DOCK1: variants seen among roughly 807,000 people sequenced by gnomAD.
DOCK1 encodes the protein dedicator of cytokinesis 1, also known as dedicator of cytokinesis protein 1.
Under a neutral mutation model 262.7 loss-of-function variants are expected in DOCK1, and 138 were observed. The ratio of observed to expected loss-of-function variants is 0.53; its 90% CI spans 0.46 to 0.61. The LOEUF (loss-of-function observed/expected upper bound fraction) is 0.61. Among genes scored for constraint, DOCK1 ranks in the 20% least tolerant of loss-of-function variants. DOCK1 has a pLI of 0.00. For missense variants in DOCK1, 1,908 were observed against 2,370.7 expected (o/e 0.80, Z 4.05); for synonymous variants, 866 against 867.4 (o/e 1.00, Z 0.03).
intron 27 of DOCK1, among the ~76,000 whole-genome samples, chr10:127,226,616 T>C (rs931564196): frequency 1.3e-5 from 2 of 152,054 alleles, no homozygotes; most frequent in Non-Finnish European, 2.9e-5. Flanking sequence ...TGGTGGTGCG[T>C]GCCTGTAATC....
At chr10:126,961,233 A>G (rs991311266) in intron 1 of DOCK1, among the ~76,000 whole-genome samples, 1 of 152,140 alleles carries the variant, frequency 6.6e-6, no homozygotes, top group Admixed American at 6.5e-5. Flanking sequence ...TTCTGTTCCT[A>G]AGAAAGATAT....
chr10:127,067,881 G>A (rs1311191161), intron 23 of DOCK1, among the ~76,000 whole-genome samples: 2 of 151,974 alleles, frequency 1.3e-5, no homozygotes, highest in Non-Finnish European at 2.9e-5. Context: ...TTCCTGACCA[G>A]CATGCGGATT....
At chr10:127,336,823 G>A (rs2063222710) in intron 29 of DOCK1, among the ~76,000 whole-genome samples, 1 of 152,180 alleles carries the variant, frequency 6.6e-6, no homozygotes, top group Admixed American at 6.5e-5. Flanking sequence ...ACAGGCGTGA[G>A]CCACCGCGCC....
chr10:127,439,990 C>A (rs757459757), intron 49 of DOCK1, among the ~76,000 whole-genome samples: 3 of 152,140 alleles, frequency 2.0e-5, no homozygotes, highest in Non-Finnish European at 2.9e-5. Flanking sequence ...AAAGGAATAA[C>A]TGAGCCTGCG....
intron 27 of DOCK1, among the ~76,000 whole-genome samples, chr10:127,245,175 C>A (rs984770249): frequency 1.3e-5 from 2 of 152,176 alleles, no homozygotes; most frequent in Non-Finnish European, 2.9e-5. Context: ...AAGGATGGGA[C>A]TCCATTCCCA....
intron 1 of DOCK1, among the ~76,000 whole-genome samples, chr10:126,924,344 T>G (rs2033500035): frequency 9.4e-6 from 1 of 106,062 alleles, no homozygotes; most frequent in South Asian, 3.6e-4. Context: ...AGGCTGTGAG[T>G]GCTGGAACTC....
chr10:127,059,842 T>A (rs1463446403), intron 22 of DOCK1, among the ~76,000 whole-genome samples: 1 of 152,146 alleles, frequency 6.6e-6, no homozygotes, highest in Non-Finnish European at 1.5e-5. Context: ...TTCTGCTGAG[T>A]TTAATAATTT....
chr10:127,388,376 T>TTATCC (rs2066259540), intron 38 of DOCK1, among the ~76,000 whole-genome samples: 1 of 152,184 alleles, frequency 6.6e-6, no homozygotes, highest in African/African-American at 2.4e-5. Flanking sequence ...CAAAGCCTCC[T>TTATCC]TATCCCTCTA....
intron 38 of DOCK1, among the ~76,000 whole-genome samples, chr10:127,388,049 A>G (rs2066238592): frequency 6.6e-6 from 1 of 152,180 alleles, no homozygotes; most frequent in Admixed American, 6.5e-5. Flanking sequence ...CCAGCAGTGC[A>G]CACATGGCCC....
At chr10:127,036,003 AAAAT>A (rs3070212) in intron 18 of DOCK1, among the ~76,000 whole-genome samples, 1,644 of 139,082 alleles carry the variant, frequency 0.012, 22 homozygotes, top group African/African-American at 0.032. Flanking sequence ...CCCTGTCTCA[AAAAT>A]AAATAAATAA....
In DOCK1 at chr10:127,399,080, C is replaced by T. The variant is rs759677338; in HGVS notation, c.3928-3975C>T. 3.3e-5 allele frequency among the ~76,000 whole-genome samples: 5 copies of T among 152,148 alleles called. No individual in the cohort carries two copies. The South Asian group carries it at 1.0e-3, about 32-fold the overall frequency. On this transcript the variant is annotated intron_variant, in intron 38 of 51. Coordinates refer to ENST00000623213, the MANE Select transcript of DOCK1 (RefSeq NM_001290223.2). Reference sequence around the variant, plus strand: ...ATTATCATCTCAAGAGAACACGTCTCGTATCATCTGGGGGAAAGCAGGGTG... The same window carrying T: ...ATTATCATCTCAAGAGAACACGTCTTGTATCATCTGGGGGAAAGCAGGGTG...
intron 27 of DOCK1, among the ~76,000 whole-genome samples, chr10:127,141,691 A>C (rs1260935495): frequency 6.6e-6 from 1 of 151,768 alleles, no homozygotes; most frequent in Non-Finnish European, 1.5e-5. Flanking sequence ...AAAAAAAAAA[A>C]GCAAATTCTA....
At chr10:127,153,669 T>C (rs2133515346) in intron 27 of DOCK1, among the ~76,000 whole-genome samples, 1 of 152,278 alleles carries the variant, frequency 6.6e-6, no homozygotes, top group South Asian at 2.1e-4. Flanking sequence ...CTCTCCTACA[T>C]CCCACGGTTC....
At chr10:127,006,539 C>T (rs2041037415) in intron 10 of DOCK1, among the ~76,000 whole-genome samples, 1 of 152,184 alleles carries the variant, frequency 6.6e-6, no homozygotes, top group South Asian at 2.1e-4. Flanking sequence ...GTCCAAACTG[C>T]AGGGAGCACT....
intron 24 of DOCK1, among the ~76,000 whole-genome samples, chr10:127,108,937 A>G (rs954872540): frequency 2.6e-5 from 4 of 152,238 alleles, no homozygotes; most frequent in Non-Finnish European, 4.4e-5. Context: ...CTTTTTGAAT[A>G]CAAAGAACAG....
chr10:127,028,428 G>T (rs571448335), intron 16 of DOCK1, among the ~76,000 whole-genome samples: 4 of 152,186 alleles, frequency 2.6e-5, no homozygotes, highest in Non-Finnish European at 5.9e-5. Flanking sequence ...ATTCGTCCTC[G>T]CAAGATTCCC....
intron 1 of DOCK1, among the ~76,000 whole-genome samples, chr10:126,964,459 C>G (rs1022350154): frequency 6.6e-6 from 1 of 152,222 alleles, no homozygotes; most frequent in Admixed American, 6.5e-5. Context: ...GGAGCACAGA[C>G]AGGGAGGGCC....
intron 29 of DOCK1, among the ~76,000 whole-genome samples, chr10:127,321,811 A>G (rs2062543617): frequency 6.6e-6 from 1 of 151,516 alleles, no homozygotes; most frequent in Admixed American, 6.6e-5. Context: ...TAAAGAGTGA[A>G]TGAGCAAGAG....
At chr10:127,189,197 TCTTAGA>T (rs1034430859) in intron 27 of DOCK1, among the ~76,000 whole-genome samples, 4 of 152,248 alleles carry the variant, frequency 2.6e-5, no homozygotes, top group Admixed American at 1.3e-4. Context: ...TGTACGGTTG[TCTTAGA>T]CTTATACTTT....
Sources: allele counts gnomAD v4.1 joint callset (sites outside exome capture counted in the v4.1 genomes callset), GRCh38; gene constraint gnomAD v4.1.1; transcripts MANE v1.5; gene names NCBI Gene and HGNC (gene_info 2026-07-23, HGNC 2026-07-21).